The following CHD1L variants were observed in gnomAD, a reference collection of about 807,000 sequenced individuals.
CHD1L encodes the protein chromodomain helicase DNA binding protein 1 like.
In CHD1L, 118 loss-of-function variants were observed where a neutral mutation model predicts 115.9. The observed-to-expected ratio is 1.02, with a 90% CI of 0.88 to 1.19. The LOEUF (loss-of-function observed/expected upper bound fraction) is 1.19. CHD1L is among the 50% of genes most tolerant of loss of function. CHD1L has a pLI of 0.00. For synonymous variants in CHD1L, 411 were observed against 387.1 expected (o/e 1.06, Z -0.72); for missense variants, 1,179 against 1,065.3 (o/e 1.11, Z -1.49).
chr1:147,276,150 A>G lies in CHD1L; in HGVS notation c.1432A>G (p.Ile478Val). The part of the protein sequence containing the change: ...RLIGRDTVEE[I>V]VYRKAASKLQ... The stretch of plus-strand genomic sequence containing the variant: ...GATTGGTCGAGACACTGTGGAAGAA[A>G]TAGTCTATAGGAAAGCAGCCTCCAA... The change falls in exon 14 of 23, where the codon ATA becomes GTA. Residue 478 changes from isoleucine (I) to valine (V), a missense_variant. By Grantham distance (29) the Ile-to-Val change is conservative. Transcript: ENST00000369258. 1 of 1,614,174 alleles carries G rather than the reference A, an allele frequency of 6.2e-7. No individual in the cohort carries two copies.
chr1:147,259,958 TC>T, intron 6 of CHD1L, 40 bp downstream of exon 6: 2 of 1,391,698 alleles, frequency 1.4e-6, no homozygotes, highest in Non-Finnish European at 2.0e-6. Flanking sequence ...TATAACCCCT[TC>T]TTTTTAAATA....
intron 9 of CHD1L, among the ~76,000 whole-genome samples, chr1:147,268,268 T>G (rs781948552): frequency 1.8e-4 from 27 of 152,144 alleles, no homozygotes; most frequent in Non-Finnish European, 2.9e-4. Flanking sequence ...ATTCCCTGAT[T>G]GGTAACCCTT....
intron 20 of CHD1L, among the ~76,000 whole-genome samples, chr1:147,292,176 G>A (rs1280114239): frequency 6.6e-6 from 1 of 152,168 alleles, no homozygotes; most frequent in African/African-American, 2.4e-5. Context: ...TAGCTCATAA[G>A]AAATGCTCCA....
At chr1:147,286,830 C>T (rs1415139492) in intron 18 of CHD1L, among the ~76,000 whole-genome samples, 1 of 152,168 alleles carries the variant, frequency 6.6e-6, no homozygotes, top group Non-Finnish European at 1.5e-5. Context: ...AGCAAAACTT[C>T]AAGCTTGTTC....
the CHD1L span, among the ~76,000 whole-genome samples, chr1:147,202,579 A>G: frequency 1.3e-5 from 2 of 151,998 alleles, no homozygotes; most frequent in Non-Finnish European, 2.9e-5. Context: ...CAGCCTCCCA[A>G]AGTGCTGGGA....
intron 7 of CHD1L, among the ~76,000 whole-genome samples, chr1:147,265,492 A>AT (rs1180396695): frequency 6.6e-6 from 1 of 152,194 alleles, no homozygotes; most frequent in Non-Finnish European, 1.5e-5. Context: ...GAAAGAAGGG[A>AT]TTTTAAGTCA....
At chr1:147,287,485 A>T in intron 18 of CHD1L, 150 bp from the exon 19 acceptor site, 1 of 556,770 alleles carries the variant, frequency 1.8e-6, no homozygotes, top group East Asian at 3.0e-5. Context: ...TGGGAAGTCC[A>T]ACCTGTGATA....
the CHD1L span, among the ~76,000 whole-genome samples, chr1:147,193,680 G>A: frequency 7.2e-5 from 11 of 152,272 alleles, no homozygotes; most frequent in Middle Eastern, 6.8e-3. Context: ...TGCTTTAAAT[G>A]TGTTCCAGAG....
At chr1:147,249,315 G>C (rs1350228589) in intron 1 of CHD1L, among the ~76,000 whole-genome samples, 2 of 150,980 alleles carry the variant, frequency 1.3e-5, no homozygotes, top group African/African-American at 4.9e-5. Flanking sequence ...CTTTAAGTAA[G>C]GTGTTGTTTG....
the CHD1L span, chr1:147,201,230 T>G: frequency 6.2e-7 from 1 of 1,614,168 alleles, no homozygotes; most frequent in Admixed American, 1.7e-5. Flanking sequence ...ATCAAGCCTA[T>G]GATTGCAAGA....
chr1:147,215,608 A>T, the CHD1L span: 11 of 591,554 alleles, frequency 1.9e-5, no homozygotes. Context: ...GCAAAGGAGG[A>T]CAAAGAATGG....
chr1:147,248,398 G>A (rs1553934766), intron 1 of CHD1L, among the ~76,000 whole-genome samples: 1 of 151,984 alleles, frequency 6.6e-6, no homozygotes, highest in Non-Finnish European at 1.5e-5. Flanking sequence ...AATAGAGACG[G>A]GGTTTCTCCA....
the CHD1L span, among the ~76,000 whole-genome samples, chr1:147,179,928 A>C: frequency 6.9e-6 from 1 of 144,982 alleles, no homozygotes; most frequent in African/African-American, 2.6e-5. Flanking sequence ...AACAGTGACA[A>C]TAAATAAGAC....
intron 1 of CHD1L, among the ~76,000 whole-genome samples, chr1:147,246,073 C>T (rs908698961): frequency 5.9e-5 from 9 of 152,178 alleles, no homozygotes; most frequent in African/African-American, 1.4e-4. Context: ...AATTCCTTAA[C>T]CCCTGGCAAC....
In CHD1L at chr1:147,276,093, C is replaced by T. The variant is rs782412470; in HGVS notation, c.1386-11C>T. ...CTTATAGCACACTACCCTTGTTTGACTTATGTCCAGGTCTGTTAAAGTTAT... is the reference window on the plus strand; with the variant it reads ...CTTATAGCACACTACCCTTGTTTGATTTATGTCCAGGTCTGTTAAAGTTAT... On this transcript the variant is annotated splice_polypyrimidine_tract_variant and intron_variant, in intron 13 of 22. Transcript: ENST00000369258. 6 of 1,613,620 alleles carry T rather than the reference C, an allele frequency of 3.7e-6. No individual in the cohort carries two copies. Among genetic ancestry groups the T allele is most frequent in the Non-Finnish European group, 5.1e-6 (6 of 1,179,796 alleles).
chr1:147,216,715 C>G, the CHD1L span, among the ~76,000 whole-genome samples: 1 of 152,118 alleles, frequency 6.6e-6, no homozygotes, highest in Non-Finnish European at 1.5e-5. Flanking sequence ...TCCTTACTAC[C>G]AAAGTATGGT....
intron 1 of CHD1L, among the ~76,000 whole-genome samples, chr1:147,249,480 A>G (rs7546864): frequency 0.04 from 5,362 of 133,624 alleles, 105 homozygotes; most frequent in African/African-American, 0.051. Context: ...ATCTCAGCTC[A>G]CTGCAACCTC....
In CHD1L at chr1:147,286,252, T is replaced by C. The variant is rs375319610; in HGVS notation, c.2019-46T>C. On this transcript the variant is annotated intron_variant, in intron 17 of 22. Coordinates refer to ENST00000369258, the MANE Select transcript of CHD1L (RefSeq NM_004284.6). Reference sequence around the variant, plus strand: ...AGTATAAAATGTGCTCCAAGGGAAATTGTGATTGTCTGGGTTAATTTCCTT... The same window carrying C: ...AGTATAAAATGTGCTCCAAGGGAAACTGTGATTGTCTGGGTTAATTTCCTT... 8 of 1,584,168 alleles carry C rather than the reference T, an allele frequency of 5.0e-6. No homozygotes were observed. The Admixed American group carries it at 5.1e-5, about 10-fold the overall frequency.
the CHD1L span, among the ~76,000 whole-genome samples, chr1:147,205,711 A>G: frequency 0.056 from 8,488 of 152,308 alleles, 265 homozygotes; most frequent in African/African-American, 0.092. Flanking sequence ...CTGGCTAGCC[A>G]TATGTACAAA....
Sources: allele counts gnomAD v4.1 joint callset (sites outside exome capture counted in the v4.1 genomes callset), GRCh38; gene constraint gnomAD v4.1.1; transcripts MANE v1.5; gene names NCBI Gene and HGNC (gene_info 2026-07-23, HGNC 2026-07-21).